Variants in TNRC6A observed in about 807,000 individuals in gnomAD.
The protein encoded by TNRC6A is trinucleotide repeat-containing gene 6A protein.
A neutral mutation model predicts 221.2 loss-of-function variants in TNRC6A; 44 were observed. The ratio of observed to expected loss-of-function variants is 0.20; its 90% CI spans 0.16 to 0.26. The LOEUF (loss-of-function observed/expected upper bound fraction) is 0.26, where lower values mean the gene tolerates loss of function less well. TNRC6A is among the 10% of genes least tolerant of loss of function. The probability of loss-of-function intolerance (pLI) is 1.00; values close to 1 mark genes in which losing one functional copy is unlikely to be tolerated. For missense variants in TNRC6A, 2,199 were observed against 2,404.4 expected, an observed-to-expected ratio of 0.91 and a Z score of 1.79; for synonymous variants, 847 against 838.5, an observed-to-expected ratio of 1.01 and a Z score of -0.18.
chr16:24,750,961 A>G (rs1210717469), intron 3 of TNRC6A, 148 bp downstream of exon 3: 1 of 743,916 alleles, frequency 1.3e-6, no homozygotes, highest in African/African-American at 1.8e-5. Flanking sequence ...TTGAATATGC[A>G]TATAAAGTAA....
chr16:24,762,995 T>TTTA (rs1555500652), intron 4 of TNRC6A, among the ~76,000 whole-genome samples: 1 of 151,712 alleles, frequency 6.6e-6, no homozygotes, highest in Non-Finnish European at 1.5e-5. Flanking sequence ...TTTTTTTTTT[T>TTTA]AAATTGTAGC....
At chr16:24,733,897 T>C (rs567788597) in intron 2 of TNRC6A, among the ~76,000 whole-genome samples, 1 of 152,306 alleles carries the variant, frequency 6.6e-6, no homozygotes, top group South Asian at 2.1e-4. Flanking sequence ...TGAGTGAGGC[T>C]GGACCCAGTG....
intron 2 of TNRC6A, among the ~76,000 whole-genome samples, chr16:24,737,598 G>T (rs2056798752): frequency 2.0e-5 from 3 of 152,140 alleles, no homozygotes; most frequent in Admixed American, 1.3e-4. Context: ...TTGAAACCTG[G>T]TTGAAGAATT....
At chr16:24,787,615 T>A (rs969221836) in intron 5 of TNRC6A, among the ~76,000 whole-genome samples, 2 of 152,210 alleles carry the variant, frequency 1.3e-5, no homozygotes, top group Admixed American at 1.3e-4. Context: ...ATGGCAAATC[T>A]TCTTTGGCAG....
At chr16:24,793,136 A>T (rs1321260174) in intron 6 of TNRC6A, among the ~76,000 whole-genome samples, 3 of 152,168 alleles carry the variant, frequency 2.0e-5, no homozygotes, top group Non-Finnish European at 4.4e-5. Context: ...CACCTGCTCC[A>T]ATTTACAAGG....
In TNRC6A at chr16:24,692,984, C is replaced by T. The variant is rs750592234; in HGVS notation, n.402+51975C>T. Among the ~76,000 whole-genome samples the T allele has an allele frequency of 8.5e-5, 13 of 152,094 alleles. No individual in the cohort carries two copies. In the East Asian group the frequency reaches 1.5e-3, roughly 18 times the overall value. The stretch of plus-strand genomic sequence containing the variant: ...AAGTCATATTTACATTCGGGTAAAC[C>T]GGTAATATATTCCTCACTGTAGTCT... On this transcript the variant is annotated intron_variant and non_coding_transcript_variant, in intron 2 of 2. Coordinates refer to the TNRC6A transcript ENST00000566108.
rs115670679 is a variant in TNRC6A, at chr16:24,807,406, A to G, written c.4540+622A>G. Among the ~76,000 whole-genome samples, 1,320 of 152,326 alleles carry G rather than the reference A, an allele frequency of 8.7e-3. 22 individuals carry two copies. The highest frequency in any genetic ancestry group is 0.03 in the African/African-American group (1,253 of 41,566). ...AGGACTAGCTGTCTTAATCTTAAGT[A>G]GGATATTAAGGGTGGGAAGGAAGGC... is the stretch of plus-strand genomic sequence containing the variant. On this transcript the variant is annotated intron_variant, in intron 17 of 24. Coordinates refer to ENST00000395799, the MANE Select transcript of TNRC6A (RefSeq NM_014494.4).
At chr16:24,772,552 AGGC>A (rs2057633959) in intron 4 of TNRC6A, among the ~76,000 whole-genome samples, 1 of 151,978 alleles carries the variant, frequency 6.6e-6, no homozygotes, top group Non-Finnish European at 1.5e-5. Flanking sequence ...TGGGAGGCCA[AGGC>A]AGGAGGATCA....
At chr16:24,680,041 C>A (rs2055500002) in intron 2 of TNRC6A, among the ~76,000 whole-genome samples, 1 of 152,184 alleles carries the variant, frequency 6.6e-6, no homozygotes, top group Admixed American at 6.6e-5. Context: ...TTAAATAAAT[C>A]TGGAGGTAAA....
At chr16:24,771,623 T>TGTTATGTTATGTTATGTTGTTATGTTAC (rs1375191812) in intron 4 of TNRC6A, among the ~76,000 whole-genome samples, 2 of 151,902 alleles carry the variant, frequency 1.3e-5, no homozygotes, top group African/African-American at 4.8e-5. Flanking sequence ...TGTTATGTTA[T>TGTTATGTTATGTTATGTTGTTATGTTAC]GTTATTCAGG....
chr16:24,729,378 AAGAAGG>A (rs1219395837), upstream of TNRC6A, among the ~76,000 whole-genome samples: 62 of 148,392 alleles, frequency 4.2e-4, no homozygotes, highest in Admixed American at 1.9e-3. Flanking sequence ...TGTCGCAGCA[AAGAAGG>A]AGGAGGAGGG....
At chr16:24,800,444 C>T (rs1202696204) in intron 11 of TNRC6A, among the ~76,000 whole-genome samples, 1 of 152,186 alleles carries the variant, frequency 6.6e-6, no homozygotes, top group Non-Finnish European at 1.5e-5. Context: ...GAACACAGTC[C>T]TGTATTTCCT....
chr16:24,635,642 C>T (rs572491787), intron 1 of TNRC6A, among the ~76,000 whole-genome samples: 1 of 152,302 alleles, frequency 6.6e-6, no homozygotes, highest in Non-Finnish European at 1.5e-5. Context: ...CCATCATAGA[C>T]ATCACATTTG....
At position 24,730,757 on chromosome 16, in the gene TNRC6A, C is replaced by A. The variant is rs1178471064; in HGVS notation, c.53+457C>A. ...TTCCCCCCCGCCCCCCCCCCCCCCC[C>A]ATACATTGTAGTCAGGCGGATTCTG... On this transcript the variant is annotated intron_variant, in intron 2 of 24. Coordinates refer to ENST00000395799, the MANE Select transcript of TNRC6A (RefSeq NM_014494.4). 1.3e-3 allele frequency among the ~76,000 whole-genome samples: 127 copies of A among 98,306 alleles called. 3 individuals carry two copies. Among genetic ancestry groups the A allele is most frequent in the African/African-American group, 5.0e-3 (125 of 25,074 alleles). The allele number at this position is 98,306 out of a possible 152,430, so 64.5% of individuals were successfully genotyped here. A position where few individuals can be genotyped will look rare whatever the true frequency, so the allele number is the denominator to read the frequency against.
chr16:24,681,619 T>C (rs992679191), intron 2 of TNRC6A, among the ~76,000 whole-genome samples: 1 of 152,218 alleles, frequency 6.6e-6, no homozygotes, highest in East Asian at 1.9e-4. Context: ...TAGTTGCATG[T>C]CATTCCATTG....
At position 24,791,374 on chromosome 16, in the gene TNRC6A, A is replaced by T; in HGVS notation, c.2732A>T (p.Asp911Val). Reference sequence around the variant, plus strand: ...AATCCAAATAATTCATCAGGATGGGATGAATCTTCTAAACCTACTCCTTCC... The same window carrying T: ...AATCCAAATAATTCATCAGGATGGGTTGAATCTTCTAAACCTACTCCTTCC... ...NINPNNSSGW[D>V]ESSKPTPSQG... is the part of the protein sequence containing the mutation. Residue 911 changes from aspartate to valine, a missense_variant, in exon 6 of 25, where the codon GAT (aspartate) becomes GTT (valine). Asp to Val is a radical substitution (Grantham distance 152). Transcript: ENST00000395799. 6.3e-7 allele frequency: 1 copy of T among 1,588,896 alleles called. No individual in the cohort carries two copies. The highest frequency in any genetic ancestry group is 8.6e-7 in the Non-Finnish European group (1 of 1,167,792).
intron 2 of TNRC6A, among the ~76,000 whole-genome samples, chr16:24,696,152 TC>T (rs1327148229): frequency 1.3e-5 from 2 of 151,686 alleles, no homozygotes; most frequent in Non-Finnish European, 2.9e-5. Flanking sequence ...ATCAAGACCA[TC>T]CTGGCTAACA....
intron 3 of TNRC6A, among the ~76,000 whole-genome samples, chr16:24,755,920 T>A (rs1262201657): frequency 6.6e-6 from 1 of 152,184 alleles, no homozygotes; most frequent in Non-Finnish European, 1.5e-5. Flanking sequence ...AGTAGTGTTG[T>A]ATAGTTTTTC....
intron 3 of TNRC6A, among the ~76,000 whole-genome samples, chr16:24,754,851 T>A (rs1223894801): frequency 6.6e-6 from 1 of 152,242 alleles, no homozygotes; most frequent in South Asian, 2.1e-4. Context: ...ATGGGCTTTT[T>A]GCTGTTACTG....
Sources: allele counts gnomAD v4.1 joint callset (sites outside exome capture counted in the v4.1 genomes callset), GRCh38; gene constraint gnomAD v4.1.1; transcripts MANE v1.5; gene names NCBI Gene and HGNC (gene_info 2026-07-23, HGNC 2026-07-21).